UXS1: variants seen among roughly 807,000 people sequenced by gnomAD.
UXS1 encodes the protein UDP-glucuronic acid decarboxylase 1.
In UXS1, 33 loss-of-function variants were observed where a neutral mutation model predicts 62.6. The observed-to-expected ratio is 0.53, with a 90% CI of 0.40 to 0.70. The LOEUF (loss-of-function observed/expected upper bound fraction) is 0.70. Among genes scored for constraint, UXS1 ranks in the 30% least tolerant of loss-of-function variants. The pLI is 0.00. For synonymous variants in UXS1, 213 were observed against 206.8 expected (o/e 1.03, Z -0.26); for missense variants, 434 against 556.3 (o/e 0.78, Z 2.21).
intron 5 of UXS1, among the ~76,000 whole-genome samples, chr2:106,155,014 C>T (rs188576405): frequency 1.3e-5 from 2 of 152,140 alleles, no homozygotes; most frequent in Non-Finnish European, 1.5e-5. Flanking sequence ...AGGCATGTCA[C>T]GTGGCAAGAC....
intron 9 of UXS1, 53 bp from the exon 10 acceptor site, chr2:106,112,818 T>G (rs1011706712): frequency 5.1e-6 from 8 of 1,577,112 alleles, no homozygotes; most frequent in Non-Finnish European, 6.9e-6. Flanking sequence ...GGTCCACGCA[T>G]CCACTTTGCA....
chr2:106,126,144 TTCC>T (rs1272915103), intron 7 of UXS1, among the ~76,000 whole-genome samples: 1 of 152,186 alleles, frequency 6.6e-6, no homozygotes, highest in Non-Finnish European at 1.5e-5. Flanking sequence ...CTCATTCTTC[TTCC>T]TCCTATGCGG....
At chr2:106,181,910 G>T (rs1034080121) in intron 1 of UXS1, among the ~76,000 whole-genome samples, 4 of 152,136 alleles carry the variant, frequency 2.6e-5, no homozygotes, top group Non-Finnish European at 4.4e-5. Flanking sequence ...AAGTTAAGAA[G>T]AAGATGGGAA....
At chr2:106,138,488 A>C (rs1573486681) in intron 6 of UXS1, 10 of 985,188 alleles carry the variant, frequency 1.0e-5, no homozygotes, top group Non-Finnish European at 1.1e-5. Context: ...TGCAGGTCTC[A>C]CCCTTCAGGA....
intron 10 of UXS1, among the ~76,000 whole-genome samples, chr2:106,107,844 C>T (rs1678216775): frequency 6.6e-6 from 1 of 152,222 alleles, no homozygotes; most frequent in Non-Finnish European, 1.5e-5. Flanking sequence ...ACCGGGTAAG[C>T]TATGCTGCCT....
intron 14 of UXS1, 53 bp downstream of exon 14, chr2:106,096,665 A>G: frequency 6.7e-7 from 1 of 1,485,040 alleles, no homozygotes; most frequent in Non-Finnish European, 9.0e-7. Context: ...GACAGCAGAC[A>G]CAGGACACGG....
chr2:106,163,731 A>C lies in UXS1; in HGVS notation c.187-21T>G, dbSNP rs764451731. 4 of 1,411,742 alleles carry C rather than the reference A, an allele frequency of 2.8e-6. No individual in the cohort carries two copies. The African/African-American group carries it at 6.0e-5, about 21-fold the overall frequency. 87.5% of individuals were successfully genotyped at this position (1,411,742 alleles called of 1,614,324 possible). On this transcript the variant is annotated intron_variant, in intron 3 of 14. Coordinates refer to ENST00000283148, the MANE Select transcript of UXS1 (RefSeq NM_001253875.2). ...ACCATCTAGAACAATAATAACAAAAATCAGTTTTAAAGCAAAAACACAGTT... is the reference window on the plus strand; with the variant it reads ...ACCATCTAGAACAATAATAACAAAACTCAGTTTTAAAGCAAAAACACAGTT...
intron 5 of UXS1, among the ~76,000 whole-genome samples, chr2:106,149,136 C>G (rs1170381582): frequency 6.6e-6 from 1 of 152,178 alleles, no homozygotes; most frequent in Non-Finnish European, 1.5e-5. Flanking sequence ...ATACCAGACT[C>G]ACATGCCAAA....
chr2:106,117,183 T>G (rs541111418), intron 9 of UXS1, among the ~76,000 whole-genome samples: 8 of 152,314 alleles, frequency 5.3e-5, no homozygotes, highest in African/African-American at 1.9e-4. Context: ...CTGTGAGAGG[T>G]TGGCATACTG....
intron 13 of UXS1, chr2:106,097,223 G>T: frequency 2.2e-6 from 1 of 458,574 alleles, no homozygotes; most frequent in South Asian, 1.5e-5. Flanking sequence ...TCCCTGAGGT[G>T]GATGCCCCAA....
At chr2:106,128,420 G>T (rs1410779958) in intron 7 of UXS1, among the ~76,000 whole-genome samples, 10 of 152,150 alleles carry the variant, frequency 6.6e-5, no homozygotes, top group Admixed American at 6.5e-5. Context: ...ATGTCCGGGG[G>T]TATCTGTGAA....
chr2:106,095,107 T>C (rs541238206), intron 14 of UXS1, among the ~76,000 whole-genome samples: 11 of 152,328 alleles, frequency 7.2e-5, no homozygotes, highest in African/African-American at 2.6e-4. Flanking sequence ...AATGTTAGAA[T>C]ATTATAGGTC....
chr2:106,116,443 T>G (rs1457868184), intron 9 of UXS1, among the ~76,000 whole-genome samples: 2 of 152,306 alleles, frequency 1.3e-5, no homozygotes, highest in East Asian at 3.9e-4. Context: ...AGACTCCATC[T>G]TGCTGTCACT....
At chr2:106,189,565 CACA>C (rs200944081) in intron 1 of UXS1, among the ~76,000 whole-genome samples, 1,883 of 152,236 alleles carry the variant, frequency 0.012, 13 homozygotes, top group Non-Finnish European at 0.02. Flanking sequence ...AGGCCACTGG[CACA>C]ACAACCATGT....
intron 9 of UXS1, among the ~76,000 whole-genome samples, chr2:106,113,634 T>A (rs900424086): frequency 3.3e-5 from 5 of 152,256 alleles, no homozygotes; most frequent in African/African-American, 1.2e-4. Flanking sequence ...AATGTTTTTA[T>A]CACAAACTCT....
intron 10 of UXS1, among the ~76,000 whole-genome samples, chr2:106,111,730 G>T (rs1346427994): frequency 6.6e-6 from 1 of 152,200 alleles, no homozygotes; most frequent in Non-Finnish European, 1.5e-5. Flanking sequence ...AGATGCATAT[G>T]TACTACACAG....
intron 1 of UXS1, among the ~76,000 whole-genome samples, chr2:106,178,321 T>C (rs1263565949): frequency 6.6e-6 from 1 of 152,216 alleles, no homozygotes; most frequent in Non-Finnish European, 1.5e-5. Flanking sequence ...AACAATCTGG[T>C]CACCCGCTTC....
rs754329709 is a variant in UXS1, at chr2:106,145,206, C to A, written c.456G>T (p.Glu152Asp). The stretch of plus-strand genomic sequence containing the variant: ...TTCACTCACCCTCGATGTAGAGGGG[C>A]TCCACCACGTCGTGGTTAATCAACT... ...NFELINHDVVEPLYIEVDQIY... is the reference protein window; with the variant it reads ...NFELINHDVVDPLYIEVDQIY... The change falls in exon 6 of 15, where the codon GAG becomes GAT. Residue 152 changes from glutamate to aspartate, a missense_variant. Physicochemically the swap from Glu to Asp is conservative, Grantham distance 45. This residue lies in a region of UXS1 where 134 missense variants were observed against 251.9 expected (regional missense o/e 0.53). Coordinates refer to ENST00000283148, the MANE Select transcript of UXS1 (RefSeq NM_001253875.2). The A allele has an allele frequency of 1.2e-6, 2 of 1,613,498 alleles. No individual in the cohort carries two copies. Among genetic ancestry groups the A allele is most frequent in the East Asian group, 2.2e-5 (1 of 44,852 alleles).
chr2:106,126,621 G>A (rs935920041), intron 7 of UXS1, among the ~76,000 whole-genome samples: 2 of 152,126 alleles, frequency 1.3e-5, no homozygotes, highest in Non-Finnish European at 2.9e-5. Context: ...CAATGTAGTA[G>A]CTTCAAAATG....
Sources: gnomAD v4.1 joint callset for allele counts (sites outside exome capture counted in the v4.1 genomes callset) on GRCh38, gnomAD v4.1.1 for gene constraint, gnomAD v4.1.1 regional missense constraint, MANE v1.5 for transcripts, NCBI Gene and HGNC (gene_info 2026-07-23, HGNC 2026-07-21) for gene names.